The following FBXL7 variants were observed in gnomAD, a reference collection of about 807,000 sequenced individuals.
The protein encoded by FBXL7 is F-box and leucine rich repeat protein 7, also known as F-box/LRR-repeat protein 7.
FBXL7 carries 12 observed loss-of-function variants against 38.3 expected under a neutral mutation model. The ratio of observed to expected loss-of-function variants is 0.31; its 90% CI spans 0.20 to 0.51. The LOEUF (loss-of-function observed/expected upper bound fraction) is 0.51. Among genes scored for constraint, FBXL7 ranks in the 20% least tolerant of loss-of-function variants. FBXL7 has a pLI of 0.98. For synonymous variants in FBXL7, 297 were observed against 300.9 expected (o/e 0.99, Z 0.13); for missense variants, 567 against 676.4 (o/e 0.84, Z 1.79).
At chr5:15,930,885 T>G (rs930564212) in intron 3 of FBXL7, among the ~76,000 whole-genome samples, 1 of 152,222 alleles carries the variant, frequency 6.6e-6, no homozygotes, top group African/African-American at 2.4e-5. Context: ...GAAATTGTTA[T>G]GTTGATGCAG....
At chr5:15,671,372 T>C (rs1214784118) in intron 2 of FBXL7, among the ~76,000 whole-genome samples, 1 of 152,166 alleles carries the variant, frequency 6.6e-6, no homozygotes, top group Non-Finnish European at 1.5e-5. Flanking sequence ...TTCTCTAACA[T>C]TTTTGCTCAT....
At chr5:15,653,126 C>T (rs1741767270) in intron 2 of FBXL7, among the ~76,000 whole-genome samples, 1 of 152,118 alleles carries the variant, frequency 6.6e-6, no homozygotes, top group African/African-American at 2.4e-5. Flanking sequence ...ACAATAGTAA[C>T]ATCAAAGCTC....
chr5:15,655,477 C>T (rs900400693), intron 2 of FBXL7, among the ~76,000 whole-genome samples: 12 of 147,152 alleles, frequency 8.2e-5, no homozygotes, highest in Non-Finnish European at 3.0e-5. Flanking sequence ...CTGGGTGACA[C>T]GGTAAGACTC....
chr5:15,661,664 C>T (rs995477446), intron 2 of FBXL7, among the ~76,000 whole-genome samples: 1 of 152,066 alleles, frequency 6.6e-6, no homozygotes, highest in Non-Finnish European at 1.5e-5. Context: ...ACCCAGTACC[C>T]AGTAGTTATA....
intron 1 of FBXL7, among the ~76,000 whole-genome samples, chr5:15,574,289 G>C (rs1263485892): frequency 6.6e-6 from 1 of 152,146 alleles, no homozygotes. Flanking sequence ...AGTGCAGATA[G>C]ATAAAATATG....
intron 2 of FBXL7, among the ~76,000 whole-genome samples, chr5:15,808,789 C>T (rs1554022989): frequency 6.6e-6 from 1 of 152,134 alleles, no homozygotes; most frequent in Non-Finnish European, 1.5e-5. Flanking sequence ...AGCAGGGACT[C>T]GGGGTGTGCA....
At chr5:15,569,778 T>C (rs955046995) in intron 1 of FBXL7, among the ~76,000 whole-genome samples, 1 of 152,232 alleles carries the variant, frequency 6.6e-6, no homozygotes, top group East Asian at 1.9e-4. Flanking sequence ...ATACCTAATT[T>C]ATTGAGAGTT....
At chr5:15,857,944 C>T (rs181448448) in intron 2 of FBXL7, among the ~76,000 whole-genome samples, 5 of 151,926 alleles carry the variant, frequency 3.3e-5, no homozygotes, top group Admixed American at 6.6e-5. Flanking sequence ...TTTTGAGGAC[C>T]GATAGATATA....
Position 15,628,466 on chromosome 5 carries a change from T to C in FBXL7, c.127+12394T>C, listed in dbSNP as rs142753563. Among the ~76,000 whole-genome samples the C allele has an allele frequency of 3.3e-5, 5 of 152,294 alleles. No homozygotes were observed. The East Asian group carries it at 9.7e-4, about 29-fold the overall frequency. On this transcript the variant is annotated intron_variant, in intron 2 of 3. Transcript: ENST00000504595. ...TCCCTGAAATCTTTAGTCAAGTCTA[T>C]GAAACTCACAACATGCTTGGTGGGG...
At chr5:15,834,842 G>A (rs1358458285) in intron 2 of FBXL7, among the ~76,000 whole-genome samples, 1 of 152,164 alleles carries the variant, frequency 6.6e-6, no homozygotes, top group Non-Finnish European at 1.5e-5. Flanking sequence ...TTACAGAAGT[G>A]CTCCTTTCTC....
intron 2 of FBXL7, among the ~76,000 whole-genome samples, chr5:15,851,346 T>G (rs1739088060): frequency 6.6e-6 from 1 of 152,212 alleles, no homozygotes; most frequent in Non-Finnish European, 1.5e-5. Flanking sequence ...ATTCTCTTTG[T>G]CAGAATCACT....
chr5:15,619,224 G>A (rs1740547968), intron 2 of FBXL7, among the ~76,000 whole-genome samples: 2 of 152,124 alleles, frequency 1.3e-5, no homozygotes, highest in Non-Finnish European at 2.9e-5. Flanking sequence ...CATTTTTTGT[G>A]TTTTAATGTG....
At chr5:15,790,261 A>T (rs1737239571) in intron 2 of FBXL7, among the ~76,000 whole-genome samples, 1 of 152,128 alleles carries the variant, frequency 6.6e-6, no homozygotes, top group Non-Finnish European at 1.5e-5. Context: ...TCTTAGGTAG[A>T]TGGAAGCTTT....
intron 1 of FBXL7, among the ~76,000 whole-genome samples, chr5:15,586,607 T>C (rs1485870967): frequency 6.6e-6 from 1 of 152,088 alleles, no homozygotes; most frequent in Non-Finnish European, 1.5e-5. Context: ...TTCAAAAAAC[T>C]ACTCAGAATT....
intron 2 of FBXL7, among the ~76,000 whole-genome samples, chr5:15,658,827 A>AT (rs1474648399): frequency 6.6e-6 from 1 of 152,134 alleles, no homozygotes; most frequent in African/African-American, 2.4e-5. Flanking sequence ...TCAGGGGTTG[A>AT]TTTTTAACTA....
rs1180883490 is a variant in FBXL7, at chr5:15,936,958, C to T, written c.1248C>T (p.Ser416=). Residue 416 remains serine, a synonymous_variant, in exon 4 of 4, where the codon TCC becomes TCT. Transcript: ENST00000504595. This position sits in a 1 kb window ranked among gnomAD's most constrained non-coding sequence, Gnocchi z 6.0. ...SLDIGKCPLV[S]DTGLECLALN... ...ATATCGGCAAATGCCCTTTGGTATC[C>T]GACACGGGCCTGGAGTGCCTGGCCC... The T allele has an allele frequency of 1.2e-6, 2 of 1,614,038 alleles. No homozygotes were observed. Among genetic ancestry groups the T allele is most frequent in the South Asian group, 1.1e-5 (1 of 91,088 alleles).
intron 1 of FBXL7, among the ~76,000 whole-genome samples, chr5:15,557,177 A>G (rs1447801491): frequency 6.6e-6 from 1 of 152,174 alleles, no homozygotes; most frequent in African/African-American, 2.4e-5. Context: ...TGACCTCGTG[A>G]TCCCCCAGCC....
chr5:15,819,834 G>A (rs1028184669), intron 2 of FBXL7, among the ~76,000 whole-genome samples: 2 of 152,300 alleles, frequency 1.3e-5, no homozygotes, highest in Admixed American at 1.3e-4. Flanking sequence ...CCTTCAGAGA[G>A]AATAGCTACT....
At chr5:15,845,178 A>G (rs1413401471) in intron 2 of FBXL7, among the ~76,000 whole-genome samples, 2 of 152,186 alleles carry the variant, frequency 1.3e-5, no homozygotes, top group Non-Finnish European at 2.9e-5. Flanking sequence ...CTTCTGAGAA[A>G]TGGTTTCTTT....
Sources: gnomAD v4.1 joint callset for allele counts (sites outside exome capture counted in the v4.1 genomes callset) on GRCh38, gnomAD v4.1.1 for gene constraint, Gnocchi (gnomAD v3.1) non-coding constraint, MANE v1.5 for transcripts, NCBI Gene and HGNC (gene_info 2026-07-23, HGNC 2026-07-21) for gene names.